Variants in PLD5 observed in about 807,000 individuals in gnomAD.
PLD5 encodes the protein inactive phospholipase D5.
In PLD5, 36 loss-of-function variants were observed where a neutral mutation model predicts 61.1. The observed-to-expected ratio is 0.59, with a 90% CI of 0.45 to 0.78. The LOEUF (loss-of-function observed/expected upper bound fraction) is 0.78, where lower values mean the gene tolerates loss of function less well. Among genes scored for constraint, PLD5 ranks in the 30% least tolerant of loss-of-function variants. PLD5 has a pLI of 0.00. For synonymous variants in PLD5, 243 were observed against 242.8 expected, an observed-to-expected ratio of 1.00 and a Z score of -0.01; for missense variants, 515 against 644.4, an observed-to-expected ratio of 0.80 and a Z score of 2.17.
chr1:242,286,002 G>A (rs573701163), intron 3 of PLD5, among the ~76,000 whole-genome samples: 7 of 151,994 alleles, frequency 4.6e-5, no homozygotes, highest in African/African-American at 1.2e-4. Flanking sequence ...CCAGCTACTC[G>A]GGAGGCTGAG....
intron 2 of PLD5, among the ~76,000 whole-genome samples, chr1:242,306,725 A>G (rs1488230066): frequency 6.6e-6 from 1 of 151,470 alleles, no homozygotes; most frequent in Non-Finnish European, 1.5e-5. Context: ...GAGAAAGAGA[A>G]TAAGAATTTA....
chr1:242,396,330 T>C (rs1245124385), intron 1 of PLD5, among the ~76,000 whole-genome samples: 1 of 152,118 alleles, frequency 6.6e-6, no homozygotes, highest in Non-Finnish European at 1.5e-5. Flanking sequence ...TGAGAAAAAA[T>C]TGTTGGACAC....
chr1:242,423,998 C>G (rs891260982), intron 1 of PLD5, among the ~76,000 whole-genome samples: 2 of 151,820 alleles, frequency 1.3e-5, no homozygotes, highest in East Asian at 3.9e-4. Context: ...CTCCTCACAA[C>G]GTTTCTTCAT....
At position 242,373,493 on chromosome 1, in the gene PLD5, A is replaced by G. The variant is rs112695853; in HGVS notation, c.190-25251T>C. 9.9e-3 allele frequency among the ~76,000 whole-genome samples: 1,515 copies of G among 152,294 alleles called. 24 individuals are homozygous for G. The highest frequency in any genetic ancestry group is 0.034 in the African/African-American group (1,413 of 41,552). The stretch of plus-strand genomic sequence containing the variant: ...TTAAATCATGCTGCTATAAAGACAC[A>G]TGCTCACGTATGTTTATTGTGGCGC... On this transcript the variant is annotated intron_variant, in intron 1 of 9. Coordinates refer to ENST00000536534, the MANE Select transcript of PLD5 (RefSeq NM_001372062.1).
intron 1 of PLD5, among the ~76,000 whole-genome samples, chr1:242,502,796 C>T (rs183088129): frequency 9.2e-4 from 140 of 152,264 alleles, no homozygotes; most frequent in Middle Eastern, 3.4e-3. Context: ...TGCAGTGGCT[C>T]ACGCCTGTAA....
chr1:242,373,539 T>C (rs146575305), intron 1 of PLD5, among the ~76,000 whole-genome samples: 4,827 of 152,252 alleles, frequency 0.032, 252 homozygotes, highest in African/African-American at 0.11. Context: ...AGCAGAGACC[T>C]GGAACCAACC....
intron 1 of PLD5, among the ~76,000 whole-genome samples, chr1:242,403,195 G>T (rs558238825): frequency 6.6e-6 from 1 of 152,188 alleles, no homozygotes; most frequent in Admixed American, 6.5e-5. Flanking sequence ...GGGTGCAGAA[G>T]GTCCTCTGCA....
chr1:242,289,509 T>C (rs1675231796), intron 2 of PLD5, among the ~76,000 whole-genome samples: 1 of 152,086 alleles, frequency 6.6e-6, no homozygotes, highest in South Asian at 2.1e-4. Context: ...CCACCATGCC[T>C]GGCTAACTTT....
At chr1:242,170,867 G>C in intron 5 of PLD5, among the ~76,000 whole-genome samples, 1 of 151,948 alleles carries the variant, frequency 6.6e-6, no homozygotes, top group East Asian at 1.9e-4. Context: ...GAATGAAAAA[G>C]GCCTGCAGGA....
At chr1:242,313,856 G>T (rs1478532832) in intron 2 of PLD5, among the ~76,000 whole-genome samples, 1 of 152,040 alleles carries the variant, frequency 6.6e-6, no homozygotes, top group African/African-American at 2.4e-5. Context: ...GAGCTGCAGT[G>T]CTGGGTGCAA....
chr1:242,350,158 A>G (rs148930298), intron 1 of PLD5, among the ~76,000 whole-genome samples: 3,754 of 152,268 alleles, frequency 0.025, 82 homozygotes, highest in Non-Finnish European at 0.036. Flanking sequence ...CCAGATGCCA[A>G]ATCTACCAGC....
intron 3 of PLD5, among the ~76,000 whole-genome samples, chr1:242,279,812 G>A (rs1194190057): frequency 6.6e-6 from 1 of 152,292 alleles, no homozygotes; most frequent in Middle Eastern, 3.4e-3. Flanking sequence ...GATTACAGGC[G>A]TTGGCCACCA....
At chr1:242,396,139 C>T (rs2580210) in intron 1 of PLD5, among the ~76,000 whole-genome samples, 2,006 of 152,150 alleles carry the variant, frequency 0.013, 47 homozygotes, top group African/African-American at 0.046. Context: ...GATGAAATAG[C>T]AGAGAGTGAG....
intron 4 of PLD5, among the ~76,000 whole-genome samples, chr1:242,242,215 G>GC (rs2149065056): frequency 6.6e-6 from 1 of 151,930 alleles, no homozygotes; most frequent in South Asian, 2.1e-4. Context: ...AGTAACTTGC[G>GC]CGAGGTCCTA....
intron 1 of PLD5, among the ~76,000 whole-genome samples, chr1:242,397,412 T>G (rs548697273): frequency 2.0e-4 from 31 of 152,138 alleles, no homozygotes; most frequent in African/African-American, 6.7e-4. Flanking sequence ...CACTCAGTAT[T>G]TAACCATTTT....
chr1:242,527,710 G>T (rs920706965), upstream of PLD5, among the ~76,000 whole-genome samples: 2 of 152,136 alleles, frequency 1.3e-5, no homozygotes, highest in Non-Finnish European at 2.9e-5. Context: ...TATGGAACTT[G>T]CTTGTTGACC....
intron 1 of PLD5, among the ~76,000 whole-genome samples, chr1:242,486,300 G>T (rs370867724): frequency 1.3e-4 from 20 of 151,984 alleles, no homozygotes; most frequent in Non-Finnish European, 1.0e-4. Flanking sequence ...GGGAGAAAAT[G>T]TTTGCAATCT....
intron 4 of PLD5, among the ~76,000 whole-genome samples, chr1:242,237,509 C>A (rs146324147): frequency 1.3e-5 from 2 of 152,156 alleles, no homozygotes; most frequent in Non-Finnish European, 2.9e-5. Flanking sequence ...GCTAGAGGGA[C>A]AGTGCAGGAG....
intron 1 of PLD5, among the ~76,000 whole-genome samples, chr1:242,383,777 C>G (rs2149258123): frequency 6.6e-6 from 1 of 152,236 alleles, no homozygotes; most frequent in Middle Eastern, 3.4e-3. Context: ...GCATATGACA[C>G]AAAAATCTTT....
Sources: gnomAD v4.1 joint callset for allele counts (sites outside exome capture counted in the v4.1 genomes callset) on GRCh38, gnomAD v4.1.1 for gene constraint, MANE v1.5 for transcripts, NCBI Gene and HGNC (gene_info 2026-07-23, HGNC 2026-07-21) for gene names.